The following GAB2 variants were observed in gnomAD, a reference collection of about 807,000 sequenced individuals.
GAB2 encodes GRB2-associated-binding protein 2.
A neutral mutation model predicts 65.5 loss-of-function variants in GAB2; 26 were observed. That is an observed-to-expected ratio of 0.40 (90% CI 0.29 to 0.55). The LOEUF is 0.55. Among genes scored for constraint, GAB2 ranks in the 20% least tolerant of loss-of-function variants. GAB2 has a pLI of 0.53. For missense variants in GAB2, 884 were observed against 875.8 expected (o/e 1.01, Z -0.12); for synonymous variants, 321 against 329.6 (o/e 0.97, Z 0.28).
chr11:78,246,753 C>G (rs1283085228), intron 3 of GAB2, among the ~76,000 whole-genome samples: 2 of 152,114 alleles, frequency 1.3e-5, no homozygotes, highest in South Asian at 4.1e-4. Context: ...CCCACCTCAG[C>G]CTCCCAAAGT....
intron 1 of GAB2, among the ~76,000 whole-genome samples, chr11:78,407,040 C>G (rs1451237524): frequency 2.6e-5 from 4 of 151,814 alleles, no homozygotes; most frequent in African/African-American, 9.7e-5. Flanking sequence ...GTAGAAATAA[C>G]CTAATATGAA....
intron 1 of GAB2, among the ~76,000 whole-genome samples, chr11:78,301,990 TA>T (rs1867033505): frequency 6.6e-6 from 1 of 152,170 alleles, no homozygotes. Flanking sequence ...AAGCCACATG[TA>T]GTAGAATGAA....
chr11:78,285,765 C>A (rs1360540706), intron 1 of GAB2, among the ~76,000 whole-genome samples: 2 of 152,208 alleles, frequency 1.3e-5, no homozygotes, highest in African/African-American at 4.8e-5. Flanking sequence ...CGGCATGGGG[C>A]CCCATGTGTT....
chr11:78,398,981 A>G (rs565332392), intron 1 of GAB2, among the ~76,000 whole-genome samples: 14 of 152,322 alleles, frequency 9.2e-5, no homozygotes, highest in African/African-American at 2.9e-4. Context: ...ACTCTAACAG[A>G]TTCAAATGCA....
chr11:78,395,699 A>C (rs1172686109), intron 1 of GAB2, among the ~76,000 whole-genome samples: 1 of 152,210 alleles, frequency 6.6e-6, no homozygotes, highest in Admixed American at 6.5e-5. Flanking sequence ...ACAATTGTTC[A>C]TGTTTGCACC....
intron 1 of GAB2, among the ~76,000 whole-genome samples, chr11:78,373,681 A>T (rs554388992): frequency 6.6e-6 from 1 of 152,250 alleles, no homozygotes; most frequent in Non-Finnish European, 1.5e-5. Context: ...CTTAAGTAAT[A>T]CATGTAAATT....
At chr11:78,370,861 A>T (rs1591070677) in intron 1 of GAB2, among the ~76,000 whole-genome samples, 1 of 151,914 alleles carries the variant, frequency 6.6e-6, no homozygotes, top group South Asian at 2.1e-4. Flanking sequence ...CTCACTCCCT[A>T]CTTCCAGGCT....
At chr11:78,333,632 G>A (rs538646834) in intron 1 of GAB2, among the ~76,000 whole-genome samples, 7 of 152,296 alleles carry the variant, frequency 4.6e-5, no homozygotes, top group African/African-American at 1.7e-4. Flanking sequence ...CAAAATGTAG[G>A]TGGTCCTGTG....
At chr11:78,267,662 T>G (rs1440120346) in intron 2 of GAB2, among the ~76,000 whole-genome samples, 1 of 151,410 alleles carries the variant, frequency 6.6e-6, no homozygotes, top group Non-Finnish European at 1.5e-5. Flanking sequence ...ATCGAGACCA[T>G]CCTGGCTAAC....
At position 78,287,573 on chromosome 11, in the gene GAB2, T is replaced by G. The variant is rs997384542; in HGVS notation, c.76-6672A>C. ...GATTACAAGTGTGAACCAGCAAACC[T>G]GGCCTATACTTAGATTTGAGAGACT... On this transcript the variant is annotated intron_variant, in intron 1 of 9. Coordinates refer to ENST00000361507, the MANE Select transcript of GAB2 (RefSeq NM_080491.3). 4.0e-5 allele frequency among the ~76,000 whole-genome samples: 6 copies of G among 151,592 alleles called. No homozygotes were observed. In the South Asian group the frequency reaches 1.3e-3, roughly 32 times the overall value.
intron 1 of GAB2, among the ~76,000 whole-genome samples, chr11:78,380,026 T>C (rs73502916): frequency 0.028 from 4,197 of 152,266 alleles, 164 homozygotes; most frequent in African/African-American, 0.089. Context: ...AAAGCTAGAA[T>C]TGATTATGAA....
intron 1 of GAB2, among the ~76,000 whole-genome samples, chr11:78,330,439 G>C (rs1466223039): frequency 6.6e-6 from 1 of 152,164 alleles, no homozygotes; most frequent in Non-Finnish European, 1.5e-5. Context: ...AGAAAATGTT[G>C]AACCTTACTT....
At position 78,220,423 on chromosome 11, in the gene GAB2, G is replaced by A. The variant is rs1165814200; in HGVS notation, c.1783C>T (p.Pro595Ser). Residue 595 changes from proline (P) to serine (S), a missense_variant, in exon 9 of 10, where the codon CCC becomes TCC. Physicochemically the swap from Pro to Ser is moderately conservative, Grantham distance 74. Coordinates refer to ENST00000361507, the MANE Select transcript of GAB2 (RefSeq NM_080491.3). Reference protein sequence around the residue: ...VPMQNPVSASPVPSGTNSPAP... With the variant: ...VPMQNPVSASSVPSGTNSPAP... Reference sequence around the variant, plus strand: ...GGACTGTTCGTGCCACTGGGAACGGGAGATGCAGACACTGGGTTTTGCTGT... The same window carrying A: ...GGACTGTTCGTGCCACTGGGAACGGAAGATGCAGACACTGGGTTTTGCTGT... The A allele has an allele frequency of 1.3e-6, 2 of 1,585,802 alleles. No homozygotes were observed. The highest frequency in any genetic ancestry group is 1.7e-6 in the Non-Finnish European group (2 of 1,159,262).
chr11:78,369,415 C>T (rs1013309365), intron 1 of GAB2, among the ~76,000 whole-genome samples: 3 of 152,188 alleles, frequency 2.0e-5, no homozygotes, highest in Admixed American at 2.0e-4. Context: ...CTCAAATATA[C>T]CTCTGATCAG....
intron 1 of GAB2, among the ~76,000 whole-genome samples, chr11:78,317,028 C>T (rs1173450005): frequency 3.3e-5 from 5 of 152,172 alleles, no homozygotes; most frequent in Non-Finnish European, 7.4e-5. Flanking sequence ...GTGAAATAAG[C>T]AGTTAGAAAA....
chr11:78,401,916 T>C (rs1322766573), intron 1 of GAB2, among the ~76,000 whole-genome samples: 1 of 152,184 alleles, frequency 6.6e-6, no homozygotes, highest in Non-Finnish European at 1.5e-5. Context: ...AATAGAAACC[T>C]ACTAAAATGA....
chr11:78,380,942 C>T (rs900358679), intron 1 of GAB2, among the ~76,000 whole-genome samples: 3 of 152,148 alleles, frequency 2.0e-5, no homozygotes, highest in African/African-American at 7.2e-5. Context: ...TGTTGTAATC[C>T]TGTTAAAATT....
chr11:78,346,017 A>C (rs1446835334), intron 1 of GAB2, among the ~76,000 whole-genome samples: 1 of 152,182 alleles, frequency 6.6e-6, no homozygotes. Context: ...TCTTTTCCTA[A>C]GTCTCACTGT....
chr11:78,329,787 T>C (rs1453926307), intron 1 of GAB2, among the ~76,000 whole-genome samples: 1 of 152,228 alleles, frequency 6.6e-6, no homozygotes, highest in Admixed American at 6.5e-5. Flanking sequence ...TATTGCTACC[T>C]GAAATACTTT....
Sources: allele counts gnomAD v4.1 joint callset (sites outside exome capture counted in the v4.1 genomes callset), GRCh38; gene constraint gnomAD v4.1.1; transcripts MANE v1.5; gene names NCBI Gene and HGNC (gene_info 2026-07-23, HGNC 2026-07-21).